Variants in B3GNT7 observed in about 807,000 individuals in gnomAD.
B3GNT7 encodes the protein BGnT-7.
B3GNT7 carries 9 observed loss-of-function variants against 5.1 expected under a neutral mutation model. That is an observed-to-expected ratio of 1.77 (90% CI 1.07 to 3.09). The LOEUF is 3.09. Ranked by LOEUF, B3GNT7 falls within the 30% of genes most tolerant of loss-of-function variation. B3GNT7 has a pLI of 0.00. For synonymous variants in B3GNT7, 253 were observed against 248.6 expected (o/e 1.02, Z -0.17); for missense variants, 468 against 550.8 (o/e 0.85, Z 1.50).
chr2:231,398,283 C>G lies in B3GNT7; in HGVS notation c.564C>G (p.His188Gln), dbSNP rs752842177. The G allele has an allele frequency of 6.2e-7, 1 of 1,613,024 alleles. No homozygotes were observed. The highest frequency in any genetic ancestry group is 8.5e-7 in the Non-Finnish European group (1 of 1,179,862). Residue 188 changes from histidine to glutamine, a missense_variant, in exon 2 of 2, where the codon CAC becomes CAG. Coordinates refer to ENST00000287590, the MANE Select transcript of B3GNT7 (RefSeq NM_145236.3). ...CCTCCAAGCAGGAGGAGCGCACGCACTACCAGCAGCTGCTGGCCTACGAAG... is the reference window on the plus strand; with the variant it reads ...CCTCCAAGCAGGAGGAGCGCACGCAGTACCAGCAGCTGCTGGCCTACGAAG... ...GTASKQEERT[H>Q]YQQLLAYEDR... is the part of the protein sequence containing the mutation.
At position 231,395,724 on chromosome 2, in the gene B3GNT7, G is replaced by C. The variant is rs996562134; in HGVS notation, c.-80G>C. The C allele has an allele frequency of 8.8e-7, 1 of 1,137,236 alleles. No individual in the cohort carries two copies. The highest frequency in any genetic ancestry group is 1.6e-5 in the African/African-American group (1 of 60,740). The allele number at this position is 1,137,236 out of a possible 1,614,324, so 70.4% of individuals were successfully genotyped here. On this transcript the variant is annotated 5_prime_UTR_variant, in exon 1 of 2. Transcript: ENST00000287590. This position sits in a 1 kb window ranked among gnomAD's most constrained non-coding sequence, Gnocchi z 7.3. ...CGCGGCCCGGTCTCCGTCCCCACCC[G>C]CCCGCCGTCCCGCCGGCCCGAGCCG...
At chr2:231,396,736 G>A (rs1404444010) in intron 1 of B3GNT7, among the ~76,000 whole-genome samples, 1 of 152,230 alleles carries the variant, frequency 6.6e-6, no homozygotes, top group Non-Finnish European at 1.5e-5. Flanking sequence ...TCTCCACTGG[G>A]GAGGGTGGGG....
chr2:231,398,832 C>T lies in B3GNT7; in HGVS notation c.1113C>T (p.Leu371=), dbSNP rs766191489. ...NKEPCFFRAM[L]VVHKLLPPEL... Reference sequence around the variant, plus strand: ...AGCCGTGCTTTTTCCGCGCCATGCTCGTGGTGCACAAGCTGCTGCCCCCTG... The same window carrying T: ...AGCCGTGCTTTTTCCGCGCCATGCTTGTGGTGCACAAGCTGCTGCCCCCTG... Residue 371 remains leucine, a synonymous_variant, in exon 2 of 2, where the codon CTC becomes CTT. Transcript: ENST00000287590. 6 of 1,602,638 alleles carry T rather than the reference C, an allele frequency of 3.7e-6. No homozygotes were observed. The highest frequency in any genetic ancestry group is 2.7e-5 in the African/African-American group (2 of 74,942).
Position 231,399,394 on chromosome 2 carries a change from A to C in B3GNT7, c.*469A>C. On this transcript the variant is annotated 3_prime_UTR_variant, in exon 2 of 2. Coordinates refer to ENST00000287590, the MANE Select transcript of B3GNT7 (RefSeq NM_145236.3). ...GGGCGGCCCTGGCAGGAGAAACTCA[A>C]CCCTGTGCGGGCTCACAGGCACCCC... is the stretch of plus-strand genomic sequence containing the variant. The C allele has an allele frequency of 6.3e-6, 1 of 159,260 alleles. No homozygotes were observed. Among genetic ancestry groups the C allele is most frequent in the Non-Finnish European group, 1.4e-5 (1 of 72,366 alleles). The allele number at this position is 159,260 out of a possible 1,614,324, so 9.9% of individuals were successfully genotyped here. A position where few individuals can be genotyped will look rare whatever the true frequency, so the allele number is the denominator to read the frequency against.
Position 231,398,833 on chromosome 2 carries a change from G to A in B3GNT7, c.1114G>A (p.Val372Met), listed in dbSNP as rs754813612. Residue 372 changes from valine (V) to methionine (M), a missense_variant, in exon 2 of 2, where the codon GTG (valine) becomes ATG (methionine). By Grantham distance (21) the Val-to-Met change is conservative. Transcript: ENST00000287590. ...GCCGTGCTTTTTCCGCGCCATGCTC[G>A]TGGTGCACAAGCTGCTGCCCCCTGA... is the stretch of plus-strand genomic sequence containing the variant. ...KEPCFFRAML[V>M]VHKLLPPELL... 15 of 1,602,668 alleles carry A rather than the reference G, an allele frequency of 9.4e-6. No individual in the cohort carries two copies. Among genetic ancestry groups the A allele is most frequent in the East Asian group, 6.7e-5 (3 of 44,880 alleles).
Position 231,398,067 on chromosome 2 carries a change from C to T in B3GNT7, c.348C>T (p.His116=). The change falls in exon 2 of 2, where the codon CAC becomes CAT. Residue 116 remains histidine (H), a synonymous_variant. Transcript: ENST00000287590. ...PQFRQFLFYR[H]CRYFPMLLNH... Reference sequence around the variant, plus strand: ...TCCGGCAGTTTCTCTTCTACCGCCACTGCCGCTACTTCCCCATGCTGCTGA... The same window carrying T: ...TCCGGCAGTTTCTCTTCTACCGCCATTGCCGCTACTTCCCCATGCTGCTGA... The T allele has an allele frequency of 6.2e-7, 1 of 1,611,538 alleles. No individual in the cohort carries two copies.
chr2:231,398,765 C>T lies in B3GNT7; in HGVS notation c.1046C>T (p.Thr349Ile), dbSNP rs1384001985. 2.5e-6 allele frequency: 4 copies of T among 1,608,982 alleles called. No individual in the cohort carries two copies. Among genetic ancestry groups the T allele is most frequent in the Non-Finnish European group, 3.4e-6 (4 of 1,179,834 alleles). ...CCCACGGCCCACGAGGGCTTCAAGACTTTCGGCATCTCCCGGAACCGCAAC... is the reference window on the plus strand; with the variant it reads ...CCCACGGCCCACGAGGGCTTCAAGATTTTCGGCATCTCCCGGAACCGCAAC... The part of the protein sequence containing the change: ...VQPTAHEGFK[T>I]FGISRNRNSR... Residue 349 changes from threonine to isoleucine, a missense_variant, in exon 2 of 2, where the codon ACT becomes ATT. Thr to Ile is a moderately conservative substitution (Grantham distance 89). Coordinates refer to ENST00000287590, the MANE Select transcript of B3GNT7 (RefSeq NM_145236.3).
rs2046542377 is a variant in B3GNT7, at chr2:231,399,034, G to A, written c.*109G>A. ...TAGCCTTTGGTCCCCAAGGGGAGGTGGAGGGTTGAGGCCTACGTGCCACTG... is the reference window on the plus strand; with the variant it reads ...TAGCCTTTGGTCCCCAAGGGGAGGTAGAGGGTTGAGGCCTACGTGCCACTG... On this transcript the variant is annotated 3_prime_UTR_variant, in exon 2 of 2. Transcript: ENST00000287590. The A allele has an allele frequency of 1.0e-6, 1 of 979,714 alleles. No individual in the cohort carries two copies. Among genetic ancestry groups the A allele is most frequent in the Non-Finnish European group, 1.5e-6 (1 of 682,054 alleles). The allele number at this position is 979,714 out of a possible 1,614,324, so 60.7% of individuals were successfully genotyped here. A position where few individuals can be genotyped will look rare whatever the true frequency, so the allele number is the denominator to read the frequency against.
Position 231,397,941 on chromosome 2 carries a change from G to A in B3GNT7, c.222G>A (p.Met74Ile), listed in dbSNP as rs1277604737. ...AAGATGTGGCTGCGCCCACGCCCATGGCCTCTCAGGGGCCCCAGGCCTGGG... is the reference window on the plus strand; with the variant it reads ...AAGATGTGGCTGCGCCCACGCCCATAGCCTCTCAGGGGCCCCAGGCCTGGG... ...NPKDVAAPTP[M>I]ASQGPQAWDV... Residue 74 changes from methionine to isoleucine, a missense_variant, in exon 2 of 2, where the codon ATG becomes ATA. By Grantham distance (10) the Met-to-Ile change is conservative. Transcript: ENST00000287590. The A allele has an allele frequency of 6.2e-7, 1 of 1,613,146 alleles. No individual in the cohort carries two copies. The highest frequency in any genetic ancestry group is 8.5e-7 in the Non-Finnish European group (1 of 1,179,888).
chr2:231,397,383 T>A (rs554758110), intron 1 of B3GNT7: 1 of 430,960 alleles, frequency 2.3e-6, no homozygotes, highest in South Asian at 9.1e-5. Flanking sequence ...TTCCCCTAAC[T>A]GTGCACCCGC....
In B3GNT7 at chr2:231,398,990, G is replaced by A. The variant is rs1373136673; in HGVS notation, c.*65G>A. Reference sequence around the variant, plus strand: ...CTGAGCCCCCATGGTATTGGGGCTGGAGCCACAGTGCCCAGGCCTAGCCTT... The same window carrying A: ...CTGAGCCCCCATGGTATTGGGGCTGAAGCCACAGTGCCCAGGCCTAGCCTT... On this transcript the variant is annotated 3_prime_UTR_variant, in exon 2 of 2. Coordinates refer to ENST00000287590, the MANE Select transcript of B3GNT7 (RefSeq NM_145236.3). The A allele has an allele frequency of 5.9e-6, 8 of 1,367,136 alleles. No homozygotes were observed. Among genetic ancestry groups the A allele is most frequent in the Non-Finnish European group, 7.9e-6 (8 of 1,015,040 alleles). The allele number at this position is 1,367,136 out of a possible 1,614,324, so 84.7% of individuals were successfully genotyped here. A position where few individuals can be genotyped will look rare whatever the true frequency, so the allele number is the denominator to read the frequency against.
chr2:231,398,994 CACAGTG>C lies in B3GNT7; in HGVS notation c.*70_*75del. On this transcript the variant is annotated 3_prime_UTR_variant, in exon 2 of 2. Coordinates refer to ENST00000287590, the MANE Select transcript of B3GNT7 (RefSeq NM_145236.3). ...GCCCCCATGGTATTGGGGCTGGAGC[CACAGTG>C]CCCAGGCCTAGCCTTTGGTCCCCAA... 1 of 1,360,292 alleles carries C rather than the reference CACAGTG, an allele frequency of 7.4e-7. No individual in the cohort carries two copies. The highest frequency in any genetic ancestry group is 9.9e-7 in the Non-Finnish European group (1 of 1,010,820). 84.3% of individuals were successfully genotyped at this position (1,360,292 alleles called of 1,614,324 possible). A position where few individuals can be genotyped will look rare whatever the true frequency, so the allele number is the denominator to read the frequency against.
chr2:231,396,309 C>T (rs997914537), intron 1 of B3GNT7, among the ~76,000 whole-genome samples: 4 of 152,100 alleles, frequency 2.6e-5, no homozygotes, highest in African/African-American at 9.7e-5. Context: ...AGCCCAGGGC[C>T]TCGCCGCCTT....
In B3GNT7 at chr2:231,395,895, C is replaced by T. The variant is rs1247852533; in HGVS notation, c.11+81C>T. The T allele has an allele frequency of 2.0e-6, 2 of 990,092 alleles. No individual in the cohort carries two copies. The highest frequency in any genetic ancestry group is 1.7e-5 in the African/African-American group (1 of 57,312). 61.3% of individuals were successfully genotyped at this position (990,092 alleles called of 1,614,324 possible). A position where few individuals can be genotyped will look rare whatever the true frequency, so the allele number is the denominator to read the frequency against. The stretch of plus-strand genomic sequence containing the variant: ...CCCCTCCTCCGTGGCCACAGACGGG[C>T]GCCGGGACTCCCGGGATAGGAGATG... On this transcript the variant is annotated intron_variant, in intron 1 of 1. Coordinates refer to ENST00000287590, the MANE Select transcript of B3GNT7 (RefSeq NM_145236.3). This position sits in a 1 kb window ranked among gnomAD's most constrained non-coding sequence, Gnocchi z 7.3.
chr2:231,395,723 C>T lies in B3GNT7; in HGVS notation c.-81C>T, dbSNP rs2046506381. 2 of 1,138,304 alleles carry T rather than the reference C, an allele frequency of 1.8e-6. No individual in the cohort carries two copies. The highest frequency in any genetic ancestry group is 4.8e-5 in the Admixed American group (1 of 20,850). The allele number at this position is 1,138,304 out of a possible 1,614,324, so 70.5% of individuals were successfully genotyped here. A position where few individuals can be genotyped will look rare whatever the true frequency, so the allele number is the denominator to read the frequency against. ...GCGCGGCCCGGTCTCCGTCCCCACC[C>T]GCCCGCCGTCCCGCCGGCCCGAGCC... is the stretch of plus-strand genomic sequence containing the variant. On this transcript the variant is annotated 5_prime_UTR_variant, in exon 1 of 2. Transcript: ENST00000287590. The surrounding 1 kb of genome is among the most constrained non-coding windows in gnomAD (Gnocchi z 7.3).
intron 1 of B3GNT7, among the ~76,000 whole-genome samples, chr2:231,396,043 C>T (rs114634741): frequency 0.034 from 5,107 of 151,980 alleles, 107 homozygotes; most frequent in Non-Finnish European, 0.051. Context: ...CGAGGGGTCT[C>T]GGGGCGCCGC....
Position 231,398,551 on chromosome 2 carries a change from A to G in B3GNT7, c.832A>G (p.Lys278Glu). ...GCAGCACGCTCGGCCCATTCGCAGG[A>G]AAGACAACAAATACTACATCCCGGG... ...VLQHARPIRRKDNKYYIPGAL... is the reference protein window; with the variant it reads ...VLQHARPIRREDNKYYIPGAL... The change falls in exon 2 of 2, where the codon AAA (lysine) becomes GAA (glutamate). Residue 278 changes from lysine (K) to glutamate (E), a missense_variant. Lys to Glu is a moderately conservative substitution (Grantham distance 56). Transcript: ENST00000287590. 1 of 1,613,346 alleles carries G rather than the reference A, an allele frequency of 6.2e-7. No individual in the cohort carries two copies. Among genetic ancestry groups the G allele is most frequent in the Non-Finnish European group, 8.5e-7 (1 of 1,179,702 alleles).
At position 231,398,427 on chromosome 2, in the gene B3GNT7, T is replaced by C; in HGVS notation, c.708T>C (p.Ile236=). 1 of 1,613,730 alleles carries C rather than the reference T, an allele frequency of 6.2e-7. No individual in the cohort carries two copies. Among genetic ancestry groups the C allele is most frequent in the Non-Finnish European group, 8.5e-7 (1 of 1,179,858 alleles). Residue 236 remains isoleucine (I), a synonymous_variant, in exon 2 of 2, where the codon ATT becomes ATC. Transcript: ENST00000287590. ...LDIYCPHVPF[I]FKGDDDVFVN... Reference sequence around the variant, plus strand: ...TCTACTGCCCCCACGTCCCCTTCATTTTCAAAGGCGACGATGACGTCTTCG... The same window carrying C: ...TCTACTGCCCCCACGTCCCCTTCATCTTCAAAGGCGACGATGACGTCTTCG...
chr2:231,398,695 G>C lies in B3GNT7; in HGVS notation c.976G>C (p.Asp326His). The C allele has an allele frequency of 1.2e-6, 2 of 1,611,980 alleles. No individual in the cohort carries two copies. Among genetic ancestry groups the C allele is most frequent in the Non-Finnish European group, 1.7e-6 (2 of 1,179,772 alleles). Reference protein sequence around the residue: ...ACDTLELYPIDDVFLGMCLEV... With the variant: ...ACDTLELYPIHDVFLGMCLEV... Reference sequence around the variant, plus strand: ...CGACACCCTGGAGCTCTACCCGATCGACGACGTCTTTCTGGGCATGTGCCT... The same window carrying C: ...CGACACCCTGGAGCTCTACCCGATCCACGACGTCTTTCTGGGCATGTGCCT... The change falls in exon 2 of 2, where the codon GAC becomes CAC. Residue 326 changes from aspartate to histidine, a missense_variant. Transcript: ENST00000287590.
Sources: gnomAD v4.1 joint callset for allele counts (sites outside exome capture counted in the v4.1 genomes callset) on GRCh38, gnomAD v4.1.1 for gene constraint, Gnocchi (gnomAD v3.1) non-coding constraint, MANE v1.5 for transcripts, NCBI Gene and HGNC (gene_info 2026-07-23, HGNC 2026-07-21) for gene names.